RBFOX1: variants seen among roughly 807,000 people sequenced by gnomAD.
RBFOX1 encodes the protein RNA binding fox-1 homolog 1.
RBFOX1 carries 8 observed loss-of-function variants against 57.7 expected under a neutral mutation model. The ratio of observed to expected loss-of-function variants is 0.14; its 90% CI spans 0.08 to 0.25. The LOEUF is 0.25. RBFOX1 is among the 10% of genes least tolerant of loss of function. The pLI, the probability that RBFOX1 is intolerant of heterozygous loss-of-function variation, is 1.00. For synonymous variants in RBFOX1, 326 were observed against 222.4 expected (o/e 1.47, Z -4.15); for missense variants, 611 against 548.5 (o/e 1.11, Z -1.14).
chr16:7,318,934 G>A (rs1393343168), intron 4 of RBFOX1, among the ~76,000 whole-genome samples: 1 of 152,160 alleles, frequency 6.6e-6, no homozygotes, highest in Non-Finnish European at 1.5e-5. Flanking sequence ...CCACTAGCCA[G>A]AATGATAAAT....
chr16:7,705,907 T>C (rs1319215452), intron 14 of RBFOX1, among the ~76,000 whole-genome samples: 1 of 152,192 alleles, frequency 6.6e-6, no homozygotes, highest in Admixed American at 6.5e-5. Context: ...GAGATCATCA[T>C]GATCTGACTG....
At position 5,903,226 on chromosome 16, in the gene RBFOX1, C is replaced by G. The variant is rs373342991; in HGVS notation, c.351+35891C>G. 3.5e-4 allele frequency among the ~76,000 whole-genome samples: 54 copies of G among 152,298 alleles called. No homozygotes were observed. In the East Asian group the frequency reaches 8.3e-3, roughly 23 times the overall value. ...TTCAGAAGACAGTCTCCTAAACTAA[C>G]ACCTGCCATAATATTCTCCACTCTA... On this transcript the variant is annotated intron_variant, in intron 4 of 19. Transcript: ENST00000641259.
chr16:6,490,889 G>A (rs936823547), intron 2 of RBFOX1, among the ~76,000 whole-genome samples: 1 of 152,096 alleles, frequency 6.6e-6, no homozygotes, highest in Admixed American at 6.6e-5. Flanking sequence ...ATCCATTACT[G>A]TCAAATGTCC....
chr16:5,827,936 T>TCCAC (rs1200206984), intron 3 of RBFOX1, among the ~76,000 whole-genome samples: 3 of 106,722 alleles, frequency 2.8e-5, no homozygotes, highest in Admixed American at 9.6e-5. Context: ...CACCCACCCA[T>TCCAC]CCACCCACCC....
chr16:7,301,458 A>C (rs2096030258), intron 4 of RBFOX1, among the ~76,000 whole-genome samples: 2 of 152,182 alleles, frequency 1.3e-5, no homozygotes, highest in Admixed American at 1.3e-4. Flanking sequence ...CTTAAGTTTA[A>C]GGGAATGTCA....
chr16:7,502,714 G>A (rs1322063298), intron 4 of RBFOX1, among the ~76,000 whole-genome samples: 2 of 152,178 alleles, frequency 1.3e-5, no homozygotes, highest in Non-Finnish European at 1.5e-5. Flanking sequence ...ACTTTATAAT[G>A]TGTTATAAGA....
intron 3 of RBFOX1, among the ~76,000 whole-genome samples, chr16:6,991,235 G>C (rs1183921789): frequency 6.6e-6 from 1 of 151,846 alleles, no homozygotes; most frequent in Non-Finnish European, 1.5e-5. Context: ...GGGAGGCAGA[G>C]GTTGCAGTGA....
At chr16:6,910,183 C>A (rs1045755745) in intron 3 of RBFOX1, among the ~76,000 whole-genome samples, 1 of 152,048 alleles carries the variant, frequency 6.6e-6, no homozygotes, top group South Asian at 2.1e-4. Context: ...AAAGCAGACT[C>A]AAGCAGAAAA....
chr16:6,524,485 A>C (rs575865334), intron 2 of RBFOX1, among the ~76,000 whole-genome samples: 1 of 152,114 alleles, frequency 6.6e-6, no homozygotes, highest in Non-Finnish European at 1.5e-5. Flanking sequence ...TTTGTCTTCC[A>C]TGTTACCTCG....
At chr16:5,494,361 T>G (rs1178671705) in intron 2 of RBFOX1, among the ~76,000 whole-genome samples, 1 of 152,236 alleles carries the variant, frequency 6.6e-6, no homozygotes, top group Admixed American at 6.5e-5. Context: ...GACTCTGACC[T>G]GCATGTGTCA....
intron 4 of RBFOX1, among the ~76,000 whole-genome samples, chr16:7,262,692 A>G (rs1362466783): frequency 2.0e-5 from 3 of 152,278 alleles, no homozygotes; most frequent in African/African-American, 4.8e-5. Context: ...GGTGTCCTGA[A>G]TAATCAGCAG....
chr16:7,317,196 A>G (rs1447973869), intron 4 of RBFOX1, among the ~76,000 whole-genome samples: 10 of 152,144 alleles, frequency 6.6e-5, no homozygotes, highest in African/African-American at 2.2e-4. Flanking sequence ...AGAAACGGCC[A>G]GGAGTAAAAC....
At chr16:6,162,840 TCTC>T (rs2096889869) in intron 1 of RBFOX1, among the ~76,000 whole-genome samples, 1 of 152,140 alleles carries the variant, frequency 6.6e-6, no homozygotes, top group Admixed American at 6.5e-5. Flanking sequence ...TTCAAGCAAT[TCTC>T]CTGCTTCACC....
chr16:6,852,177 A>C (rs984337072), intron 3 of RBFOX1, among the ~76,000 whole-genome samples: 2 of 152,116 alleles, frequency 1.3e-5, no homozygotes, highest in African/African-American at 2.4e-5. Flanking sequence ...ACTGGCCTGC[A>C]ACCAAGGTTT....
intron 2 of RBFOX1, among the ~76,000 whole-genome samples, chr16:6,528,871 C>T (rs1469134897): frequency 6.6e-6 from 1 of 152,120 alleles, no homozygotes; most frequent in Non-Finnish European, 1.5e-5. Flanking sequence ...TCCAGGCATT[C>T]CCAAATGTCT....
intron 2 of RBFOX1, among the ~76,000 whole-genome samples, chr16:5,472,082 A>T (rs893324427): frequency 4.0e-5 from 6 of 151,718 alleles, no homozygotes; most frequent in Non-Finnish European, 8.8e-5. Flanking sequence ...CTCTTTTCTC[A>T]TGTCTCTGTT....
chr16:7,106,396 C>T (rs887841495), intron 4 of RBFOX1, among the ~76,000 whole-genome samples: 1 of 152,084 alleles, frequency 6.6e-6, no homozygotes. Context: ...TATTTTACAG[C>T]TCTTTATTCT....
chr16:6,549,542 A>G (rs1599552456), intron 2 of RBFOX1, among the ~76,000 whole-genome samples: 4 of 77,212 alleles, frequency 5.2e-5, no homozygotes, highest in African/African-American at 1.6e-4. Context: ...GGAGGAGGGG[A>G]GGAGGAGGAT....
intron 4 of RBFOX1, among the ~76,000 whole-genome samples, chr16:7,404,160 C>A (rs972128247): frequency 6.6e-6 from 1 of 151,870 alleles, no homozygotes; most frequent in South Asian, 2.1e-4. Flanking sequence ...TCAAGCGATT[C>A]TCCTGCCTCA....
Sources: allele counts gnomAD v4.1 joint callset (sites outside exome capture counted in the v4.1 genomes callset), GRCh38; gene constraint gnomAD v4.1.1; transcripts MANE v1.5; gene names NCBI Gene and HGNC (gene_info 2026-07-23, HGNC 2026-07-21).